Variants in LAMA2 observed in about 807,000 individuals in gnomAD.
The protein encoded by LAMA2 is laminin subunit alpha 2.
Under a neutral mutation model 364.8 loss-of-function variants are expected in LAMA2, and 269 were observed. That is an observed-to-expected ratio of 0.74 (90% CI 0.67 to 0.82). LAMA2 has a LOEUF of 0.82. LAMA2 is among the 40% of genes least tolerant of loss of function. The pLI is 0.00. For missense variants in LAMA2, 3,807 were observed against 3,873.2 expected (o/e 0.98, Z 0.45); for synonymous variants, 1,379 against 1,370.6 (o/e 1.01, Z -0.14).
chr6:129,197,971 G>A (rs1055958368), intron 12 of LAMA2, among the ~76,000 whole-genome samples: 1 of 152,020 alleles, frequency 6.6e-6, no homozygotes, highest in African/African-American at 2.4e-5. Context: ...ATATTCACAT[G>A]CATCTGTCTA....
chr6:129,266,665 A>G (rs1256576544), intron 15 of LAMA2, among the ~76,000 whole-genome samples: 1 of 152,142 alleles, frequency 6.6e-6, no homozygotes, highest in Non-Finnish European at 1.5e-5. Context: ...GTATATGGGC[A>G]AGTGAACACA....
At chr6:129,236,857 C>T (rs1785031270) in intron 12 of LAMA2, among the ~76,000 whole-genome samples, 1 of 151,818 alleles carries the variant, frequency 6.6e-6, no homozygotes, top group African/African-American at 2.4e-5. Context: ...AAGTTAATTC[C>T]ATATTGGATA....
intron 1 of LAMA2, among the ~76,000 whole-genome samples, chr6:128,938,059 G>A (rs903171173): frequency 6.6e-6 from 1 of 151,910 alleles, no homozygotes; most frequent in Non-Finnish European, 1.5e-5. Context: ...GGAGTGTGTT[G>A]CTTACTTTCC....
chr6:128,943,317 C>G (rs1029830851), intron 1 of LAMA2, among the ~76,000 whole-genome samples: 8 of 146,520 alleles, frequency 5.5e-5, no homozygotes, highest in Admixed American at 1.3e-4. Flanking sequence ...GTCAGTCTTG[C>G]TCTGTTAACC....
chr6:128,928,508 T>G (rs891498061), intron 1 of LAMA2, among the ~76,000 whole-genome samples: 1 of 152,210 alleles, frequency 6.6e-6, no homozygotes, highest in Non-Finnish European at 1.5e-5. Flanking sequence ...GACTCAGCTC[T>G]ATGTTGCTTA....
intron 51 of LAMA2, among the ~76,000 whole-genome samples, chr6:129,465,789 G>A (rs1783512263): frequency 6.6e-6 from 1 of 151,880 alleles, no homozygotes. Context: ...CACAAACATT[G>A]TTTTATCTGA....
At chr6:129,261,974 C>T (rs958609083) in intron 15 of LAMA2, among the ~76,000 whole-genome samples, 3 of 151,906 alleles carry the variant, frequency 2.0e-5, no homozygotes, top group African/African-American at 7.2e-5. Context: ...CTCTTGATTC[C>T]AAACTATTTG....
intron 1 of LAMA2, among the ~76,000 whole-genome samples, chr6:129,038,949 A>G (rs1295254069): frequency 6.6e-6 from 1 of 152,216 alleles, no homozygotes; most frequent in African/African-American, 2.4e-5. Flanking sequence ...CTACATTTCC[A>G]CCAAATTAAA....
chr6:129,082,773 G>T (rs186756195), intron 3 of LAMA2, among the ~76,000 whole-genome samples: 6 of 152,032 alleles, frequency 3.9e-5, no homozygotes, highest in Admixed American at 3.9e-4. Flanking sequence ...TTATATAAAA[G>T]TACGTTTCAT....
Position 129,316,106 on chromosome 6 carries a change from T to C in LAMA2, c.3993T>C (p.Asp1331=). The change falls in exon 27 of 65, where the codon GAT becomes GAC. Residue 1331 remains aspartate, a synonymous_variant. Coordinates refer to ENST00000421865, the MANE Select transcript of LAMA2 (RefSeq NM_000426.4). ...HRTVTREDFL[D]ILYDIHYILI... is the part of the protein sequence containing the mutation. ...CTGTGACCCGAGAAGACTTCTTGGA[T>C]ATACTATATGATATTCATTACATTC... The C allele has an allele frequency of 6.2e-7, 1 of 1,609,404 alleles. No individual in the cohort carries two copies. Among genetic ancestry groups the C allele is most frequent in the South Asian group, 1.1e-5 (1 of 90,968 alleles).
chr6:129,276,035 C>G (rs532713517), intron 17 of LAMA2, among the ~76,000 whole-genome samples: 13 of 152,192 alleles, frequency 8.5e-5, no homozygotes, highest in African/African-American at 3.1e-4. Flanking sequence ...GATCATTGAA[C>G]TGAAGAAGAA....
intron 2 of LAMA2, 123 bp downstream of exon 2, chr6:129,050,211 A>G: frequency 1.0e-6 from 1 of 961,974 alleles, no homozygotes; most frequent in Non-Finnish European, 1.6e-6. Flanking sequence ...TCTTTTTACC[A>G]TTAAGAGCTT....
intron 1 of LAMA2, among the ~76,000 whole-genome samples, chr6:128,954,306 TA>T (rs35616004): frequency 0.13 from 19,356 of 152,048 alleles, 1,543 homozygotes; most frequent in African/African-American, 0.23. Context: ...CATGGAGCAT[TA>T]GATTATAATA....
chr6:129,357,953 A>G (rs909172902), intron 32 of LAMA2, among the ~76,000 whole-genome samples: 1 of 152,010 alleles, frequency 6.6e-6, no homozygotes, highest in African/African-American at 2.4e-5. Context: ...GATGCTGATT[A>G]CTGATCTAAC....
At chr6:129,230,166 C>T (rs148856700) in intron 12 of LAMA2, among the ~76,000 whole-genome samples, 3 of 152,156 alleles carry the variant, frequency 2.0e-5, no homozygotes, top group Admixed American at 6.5e-5. Context: ...AGAAAGGAGA[C>T]TAAGAATCAG....
intron 4 of LAMA2, among the ~76,000 whole-genome samples, chr6:129,116,453 A>G (rs1045892364): frequency 1.3e-5 from 2 of 152,182 alleles, no homozygotes; most frequent in Non-Finnish European, 2.9e-5. Context: ...ATATTAAGAC[A>G]GTCAAAGGAA....
chr6:129,275,986 A>G (rs1788296080), intron 17 of LAMA2, among the ~76,000 whole-genome samples: 1 of 152,126 alleles, frequency 6.6e-6, no homozygotes, highest in South Asian at 2.1e-4. Flanking sequence ...TAAAGAAATA[A>G]GTGTTTGCTT....
At chr6:129,331,552 G>C (rs1043324366) in intron 29 of LAMA2, among the ~76,000 whole-genome samples, 4 of 151,952 alleles carry the variant, frequency 2.6e-5, no homozygotes, top group Admixed American at 2.6e-4. Context: ...AATTATTCTT[G>C]TTTCCAGAAA....
Position 129,316,069 on chromosome 6 carries a change from G to A in LAMA2, c.3956G>A (p.Arg1319Gln), listed in dbSNP as rs780356271. The A allele has an allele frequency of 5.6e-6, 9 of 1,613,526 alleles. No homozygotes were observed. The highest frequency in any genetic ancestry group is 4.5e-5 in the East Asian group (2 of 44,892). ...TGGAAATATTATGGGGATGATCCTC[G>A]AGTCCATAGAACTGTGACCCGAGAA... ...KEWKYYGDDP[R>Q]VHRTVTREDF... The change falls in exon 27 of 65, where the codon CGA (arginine) becomes CAA (glutamine). Residue 1319 changes from arginine to glutamine, a missense_variant. Around this residue, in one of 3 missense-constraint regions of LAMA2, gnomAD observed 3,333 missense variants for 3,345.7 expected, o/e 1.00. Transcript: ENST00000421865.
Sources: allele counts gnomAD v4.1 joint callset (sites outside exome capture counted in the v4.1 genomes callset), GRCh38; gene constraint gnomAD v4.1.1; regional missense constraint gnomAD v4.1.1; transcripts MANE v1.5; gene names NCBI Gene and HGNC (gene_info 2026-07-23, HGNC 2026-07-21).